DOCK9: variants seen among roughly 807,000 people sequenced by gnomAD.
The protein encoded by DOCK9 is dedicator of cytokinesis 9.
Under a neutral mutation model 263.3 loss-of-function variants are expected in DOCK9, and 89 were observed. The observed-to-expected ratio is 0.34, with a 90% CI of 0.28 to 0.40. DOCK9 has a LOEUF of 0.40. Among genes scored for constraint, DOCK9 ranks in the 10% least tolerant of loss-of-function variants. DOCK9 has a pLI of 1.00. For synonymous variants in DOCK9, 976 were observed against 973.1 expected, an observed-to-expected ratio of 1.00 and a Z score of -0.06; for missense variants, 2,140 against 2,603.4, an observed-to-expected ratio of 0.82 and a Z score of 3.87.
chr13:98,930,626 A>C (rs1219314658), intron 2 of DOCK9, among the ~76,000 whole-genome samples: 2 of 152,086 alleles, frequency 1.3e-5, no homozygotes, highest in Non-Finnish European at 2.9e-5. Context: ...ATTCTGGTAA[A>C]ATATGCATAA....
At chr13:98,887,613 C>T (rs1318341029) in intron 18 of DOCK9, among the ~76,000 whole-genome samples, 34 of 13,174 alleles carry the variant, frequency 2.6e-3, no homozygotes, top group African/African-American at 9.8e-3. Context: ...GAGACTCCAT[C>T]TCAAAAAAAA....
At chr13:99,063,423 G>A (rs907387744) in intron 1 of DOCK9, among the ~76,000 whole-genome samples, 2 of 152,178 alleles carry the variant, frequency 1.3e-5, no homozygotes, top group African/African-American at 2.4e-5. Context: ...GGGTACCCAG[G>A]TGTCCAAACA....
Position 99,060,168 on chromosome 13 carries a change from G to T in DOCK9, c.129+26055C>A, listed in dbSNP as rs1225873101. Among the ~76,000 whole-genome samples, 5 of 144,682 alleles carry T rather than the reference G, an allele frequency of 3.5e-5. No individual in the cohort carries two copies. In the South Asian group the frequency reaches 6.7e-4, roughly 20 times the overall value. 94.9% of individuals were successfully genotyped at this position (144,682 alleles called of 152,430 possible). ...GGCTCACTGCAAACTCCGCCTCCAGGGTTCACGCCATTCTCCTGCCTCAGC... is the reference window on the plus strand; with the variant it reads ...GGCTCACTGCAAACTCCGCCTCCAGTGTTCACGCCATTCTCCTGCCTCAGC... On this transcript the variant is annotated intron_variant, in intron 1 of 32. Transcript: ENST00000427887.
chr13:99,020,133 G>A (rs1885906211), intron 1 of DOCK9, among the ~76,000 whole-genome samples: 2 of 152,032 alleles, frequency 1.3e-5, no homozygotes, highest in Non-Finnish European at 2.9e-5. Flanking sequence ...AATGAGGGTG[G>A]GGAGAATGGC....
intron 1 of DOCK9, among the ~76,000 whole-genome samples, chr13:99,065,216 G>T (rs2041363911): frequency 6.6e-6 from 1 of 152,116 alleles, no homozygotes; most frequent in African/African-American, 2.4e-5. Context: ...ATCTAATCAG[G>T]TTCAAATACA....
intron 39 of DOCK9, among the ~76,000 whole-genome samples, chr13:98,837,284 T>C (rs1566662126): frequency 6.6e-6 from 1 of 152,220 alleles, no homozygotes. Context: ...CAGCACACAC[T>C]GACCAGTTAA....
chr13:98,901,742 C>CT (rs1416256992), intron 13 of DOCK9, 36 bp downstream of exon 13: 1 of 1,601,792 alleles, frequency 6.2e-7, no homozygotes, highest in African/African-American at 1.3e-5. Flanking sequence ...TTTCAGATTG[C>CT]TTTTTACCAC....
intron 1 of DOCK9, among the ~76,000 whole-genome samples, chr13:99,006,513 A>T (rs1381792597): frequency 6.6e-6 from 1 of 152,244 alleles, no homozygotes; most frequent in East Asian, 1.9e-4. Flanking sequence ...ACATATGTTA[A>T]ATCATGTTTT....
chr13:98,946,874 C>A (rs7339076), intron 2 of DOCK9, among the ~76,000 whole-genome samples: 3 of 151,914 alleles, frequency 2.0e-5, no homozygotes, highest in South Asian at 4.1e-4. Flanking sequence ...TCTCTGCCTG[C>A]CTTCTTCCAA....
chr13:99,086,378 C>T (rs2042342912), exon 1 of DOCK9: 13 of 1,165,838 alleles, frequency 1.1e-5, no homozygotes, highest in Non-Finnish European at 1.3e-5. Flanking sequence ...CCTCCGCCTC[C>T]GCCTGCTCCC....
chr13:98,990,779 C>T (rs1237564050), intron 1 of DOCK9, among the ~76,000 whole-genome samples: 1 of 152,210 alleles, frequency 6.6e-6, no homozygotes, highest in Non-Finnish European at 1.5e-5. Context: ...TATCCTTCTA[C>T]TATACTAATT....
intron 1 of DOCK9, among the ~76,000 whole-genome samples, chr13:99,070,709 A>C (rs1386316836): frequency 6.6e-6 from 1 of 152,250 alleles, no homozygotes; most frequent in Non-Finnish European, 1.5e-5. Flanking sequence ...GAACTAGTAG[A>C]TGAAGAGCTG....
At chr13:99,087,147 C>T (rs2042367107), upstream of DOCK9, among the ~76,000 whole-genome samples, 1 of 152,020 alleles carries the variant, frequency 6.6e-6, no homozygotes, top group Admixed American at 6.5e-5. Flanking sequence ...CCAGGCGGAC[C>T]TGGACGGAGC....
intron 38 of DOCK9, among the ~76,000 whole-genome samples, chr13:98,841,582 A>T (rs1183892376): frequency 1.3e-5 from 2 of 152,060 alleles, no homozygotes; most frequent in Non-Finnish European, 2.9e-5. Flanking sequence ...CATATCTCAG[A>T]ATCAAGGAAA....
chr13:98,964,167 T>C (rs1263401820), intron 1 of DOCK9, among the ~76,000 whole-genome samples: 2 of 152,144 alleles, frequency 1.3e-5, no homozygotes, highest in African/African-American at 4.8e-5. Context: ...GTGTGAACAA[T>C]CAGCAGAATG....
chr13:98,809,785 AGAAACTGGAT>A (rs1447282110), intron 46 of DOCK9, among the ~76,000 whole-genome samples: 4 of 152,176 alleles, frequency 2.6e-5, no homozygotes, highest in Non-Finnish European at 5.9e-5. Context: ...ATATGCCTAG[AGAAACTGGAT>A]GACCTCCCAA....
rs539522315 is a variant in DOCK9 at position 98,794,697 on chromosome 13, A to G, written c.6208T>C (p.Phe2070Leu). The change falls in exon 53 of 53, where the codon TTC becomes CTC. Residue 2070 changes from phenylalanine to leucine, a missense_variant. Phe to Leu is a conservative substitution (Grantham distance 22). This residue lies in a region of DOCK9 where 619 missense variants were observed against 861.8 expected (regional missense o/e 0.72). Transcript: ENST00000682017. The stretch of plus-strand genomic sequence containing the variant: ...GTTGGAGTCCCACTGATGGCGTTGA[A>G]GATGTGAAGGGAATTCGGTAAGACG... ...TSVLPNSLHI[F>L]NAISGTPTST... 25 of 1,613,852 alleles carry G rather than the reference A, an allele frequency of 1.5e-5. No individual in the cohort carries two copies. Among genetic ancestry groups the G allele is most frequent in the Non-Finnish European group, 2.1e-5 (25 of 1,179,884 alleles).
upstream of DOCK9, among the ~76,000 whole-genome samples, chr13:98,979,236 A>AGTAGTG (rs1169685646): frequency 2.2e-4 from 31 of 144,058 alleles, no homozygotes; most frequent in South Asian, 4.6e-4. Flanking sequence ...TAGTAGCAGC[A>AGTAGTG]GCGGCGGCAG....
rs1875515083 is a variant in DOCK9 at position 98,977,818 on chromosome 13, C to A, written c.92G>T (p.Gly31Val). ...SPLQYKDAAQGEVEAESPGPV... is the reference protein window; with the variant it reads ...SPLQYKDAAQVEVEAESPGPV... ...GCCCGGGCTCTCTGCTTCCACTTCG[C>A]CCTGAGCTGCATCCTTGTATTGCAG... Residue 31 changes from glycine (G) to valine (V), a missense_variant, in exon 1 of 53, where the codon GGC becomes GTC. Gly to Val is a moderately radical substitution (Grantham distance 109). Transcript: ENST00000682017. 1 of 1,610,816 alleles carries A rather than the reference C, an allele frequency of 6.2e-7. No homozygotes were observed. The highest frequency in any genetic ancestry group is 1.3e-5 in the African/African-American group (1 of 74,896).
Sources: allele counts gnomAD v4.1 joint callset (sites outside exome capture counted in the v4.1 genomes callset), GRCh38; gene constraint gnomAD v4.1.1; regional missense constraint gnomAD v4.1.1; transcripts MANE v1.5; gene names NCBI Gene and HGNC (gene_info 2026-07-23, HGNC 2026-07-21).